Variants in ENAH observed in about 807,000 individuals in gnomAD.
ENAH encodes ENAH actin regulator.
Under a neutral mutation model 78.7 loss-of-function variants are expected in ENAH, and 23 were observed. The observed-to-expected ratio is 0.29, with a 90% confidence interval of 0.21 to 0.41. The LOEUF (loss-of-function observed/expected upper bound fraction) is 0.41, where lower values mean the gene tolerates loss of function less well. Among genes scored for constraint, ENAH ranks in the 10% least tolerant of loss-of-function variants. The probability of loss-of-function intolerance (pLI) is 1.00; values close to 1 mark genes in which losing one functional copy is unlikely to be tolerated. For missense variants in ENAH, 544 were observed against 691.0 expected, an observed-to-expected ratio of 0.79 and a Z score of 2.39; for synonymous variants, 226 against 241.0, an observed-to-expected ratio of 0.94 and a Z score of 0.58.
chr1:225,530,577 T>G lies in ENAH; in HGVS notation c.411A>C (p.Gln137His). Residue 137 changes from glutamine to histidine, a missense_variant, in exon 4 of 14, where the codon CAA becomes CAC. Transcript: ENST00000366843. ...LPAQVQNGPS[Q>H]EELEIQRRQL... ...ACCTTCTTTGAATTTCCAATTCTTCTTGGGATGGGCCATTTTGAACTTGAG... is the reference window on the plus strand; with the variant it reads ...ACCTTCTTTGAATTTCCAATTCTTCGTGGGATGGGCCATTTTGAACTTGAG... 1 of 1,613,494 alleles carries G rather than the reference T, an allele frequency of 6.2e-7. No homozygotes were observed. The highest frequency in any genetic ancestry group is 8.5e-7 in the Non-Finnish European group (1 of 1,179,514).
intron 1 of ENAH, among the ~76,000 whole-genome samples, chr1:225,639,697 C>T (rs1408031072): frequency 7.4e-6 from 1 of 134,522 alleles, no homozygotes; most frequent in Admixed American, 7.6e-5. Flanking sequence ...TGGACTATGG[C>T]GGGATTAAAC....
intron 4 of ENAH, among the ~76,000 whole-genome samples, chr1:225,526,606 G>A (rs1575413281): frequency 6.6e-6 from 1 of 150,878 alleles, no homozygotes; most frequent in South Asian, 2.1e-4. Context: ...CAAAGTGCTG[G>A]GATTATGTAA....
At chr1:225,555,583 A>T (rs1575511992) in intron 2 of ENAH, among the ~76,000 whole-genome samples, 2 of 149,024 alleles carry the variant, frequency 1.3e-5, no homozygotes, top group South Asian at 4.2e-4. Context: ...CTCTGTCTCA[A>T]AAAAAAAAAA....
chr1:225,647,751 T>C (rs1186220741), intron 1 of ENAH, among the ~76,000 whole-genome samples: 2 of 152,190 alleles, frequency 1.3e-5, no homozygotes, highest in Non-Finnish European at 2.9e-5. Context: ...ATGGGGTTGC[T>C]AGTGAACAGA....
chr1:225,586,098 C>A (rs921063210), intron 1 of ENAH, among the ~76,000 whole-genome samples: 1 of 152,052 alleles, frequency 6.6e-6, no homozygotes, highest in East Asian at 1.9e-4. Context: ...CACCCGTAGT[C>A]CCAGCTACTT....
chr1:225,601,438 A>C (rs2096930299), intron 1 of ENAH, among the ~76,000 whole-genome samples: 1 of 151,994 alleles, frequency 6.6e-6, no homozygotes. Flanking sequence ...GAATGGCGTG[A>C]ACCTGGGAGG....
chr1:225,584,767 T>C (rs553910803), intron 1 of ENAH, among the ~76,000 whole-genome samples: 2 of 152,246 alleles, frequency 1.3e-5, no homozygotes, highest in African/African-American at 4.8e-5. Flanking sequence ...TTATATGTCA[T>C]GAAAACAGTA....
At chr1:225,515,046 C>G in intron 6 of ENAH, 146 bp from the exon 7 acceptor site, 4 of 734,406 alleles carry the variant, frequency 5.4e-6, no homozygotes, top group Non-Finnish European at 9.4e-6. Context: ...TTGTAAAAGT[C>G]TAGATCAGTT....
In ENAH at chr1:225,489,407, T is replaced by C. The variant is rs901602634; in HGVS notation, c.*8368A>G. 3 of 152,302 alleles carry C rather than the reference T, an allele frequency of 2.0e-5. No individual in the cohort carries two copies. In the East Asian group the frequency reaches 5.8e-4, roughly 29 times the overall value. 9.4% of individuals were successfully genotyped at this position (152,302 alleles called of 1,614,324 possible). On this transcript the variant is annotated 3_prime_UTR_variant, in exon 14 of 14. Coordinates refer to ENST00000366843, the MANE Select transcript of ENAH (RefSeq NM_018212.6). ...CCACTGGTGCTTTATGCAACACCACTGACCCCAAGATGGTCACTCCATTGA... is the reference window on the plus strand; with the variant it reads ...CCACTGGTGCTTTATGCAACACCACCGACCCCAAGATGGTCACTCCATTGA...
intron 1 of ENAH, among the ~76,000 whole-genome samples, chr1:225,637,417 G>A (rs1558945926): frequency 6.6e-6 from 1 of 152,174 alleles, no homozygotes; most frequent in Non-Finnish European, 1.5e-5. Flanking sequence ...CAGTTAGCCA[G>A]GCTGGTCTAG....
chr1:225,529,039 G>A (rs1434170469), intron 4 of ENAH, among the ~76,000 whole-genome samples: 1 of 152,026 alleles, frequency 6.6e-6, no homozygotes, highest in Non-Finnish European at 1.5e-5. Flanking sequence ...CCTCTTAACT[G>A]GCTTTCTTGT....
At chr1:225,500,726 A>G (rs2096277180) in intron 12 of ENAH, among the ~76,000 whole-genome samples, 1 of 152,208 alleles carries the variant, frequency 6.6e-6, no homozygotes. Context: ...ACAACTGCGT[A>G]CCATGCACTT....
chr1:225,571,218 C>T (rs1204868682), intron 1 of ENAH, among the ~76,000 whole-genome samples: 1 of 150,658 alleles, frequency 6.6e-6, no homozygotes, highest in African/African-American at 2.4e-5. Flanking sequence ...ACTAAAGATA[C>T]AAAAATTAGC....
At chr1:225,620,726 C>T (rs566748729) in intron 1 of ENAH, among the ~76,000 whole-genome samples, 6 of 152,072 alleles carry the variant, frequency 3.9e-5, no homozygotes, top group East Asian at 3.9e-4. Context: ...GAGATAGGGC[C>T]GGGTGCAGTG....
At position 225,497,762 on chromosome 1, in the gene ENAH, T is replaced by C; in HGVS notation, c.*13A>G. ...CTCCAGATTAAAGTCCTATCTCTCCTTAGTCTGTTCCTCTATGCAGTATTT... is the reference window on the plus strand; with the variant it reads ...CTCCAGATTAAAGTCCTATCTCTCCCTAGTCTGTTCCTCTATGCAGTATTT... On this transcript the variant is annotated 3_prime_UTR_variant, in exon 14 of 14. Coordinates refer to ENST00000366843, the MANE Select transcript of ENAH (RefSeq NM_018212.6). 6.2e-7 allele frequency: 1 copy of C among 1,610,772 alleles called. No individual in the cohort carries two copies. The highest frequency in any genetic ancestry group is 8.5e-7 in the Non-Finnish European group (1 of 1,178,120).
rs751180014 is a variant in ENAH at position 225,519,340 on chromosome 1, T to C, written c.660A>G (p.Glu220=). The C allele has an allele frequency of 7.4e-6, 11 of 1,480,190 alleles. No individual in the cohort carries two copies. The highest frequency in any genetic ancestry group is 3.0e-5 in the African/African-American group (2 of 66,916). The allele number at this position is 1,480,190 out of a possible 1,614,324, so 91.7% of individuals were successfully genotyped here. Residue 220 remains glutamate (E), a synonymous_variant, in exon 5 of 14, where the codon GAA becomes GAG. Coordinates refer to ENST00000366843, the MANE Select transcript of ENAH (RefSeq NM_018212.6). ...LERQERLERQ[E]RLDRERQERQ... is the part of the protein sequence containing the mutation. ...TTTCTTGCCTCTCCCGATCCAGGCG[T>C]TCCTGCCGCTCCAGGCGTTCCTGCC...
intron 1 of ENAH, among the ~76,000 whole-genome samples, chr1:225,625,312 A>C (rs1411267414): frequency 6.6e-6 from 1 of 152,218 alleles, no homozygotes; most frequent in East Asian, 1.9e-4. Flanking sequence ...AATATTTAGC[A>C]GACAAAAATA....
rs1049833052 is a variant in ENAH, at chr1:225,519,392, C to T, written c.608G>A (p.Arg203His). The change falls in exon 5 of 14, where the codon CGC becomes CAC. Residue 203 changes from arginine (R) to histidine (H), a missense_variant. By Grantham distance (29) the Arg-to-His change is conservative (BLOSUM62 0). This residue lies in a region of ENAH where 366 missense variants were observed against 396.1 expected (regional missense o/e 0.92). Coordinates refer to ENST00000366843, the MANE Select transcript of ENAH (RefSeq NM_018212.6). ...RERQERERQE[R>H]LERQERLERQ... Reference sequence around the variant, plus strand: ...CTCCAGGCGTTCCTGCCGCTCCAGGCGTTCCTGCCGTTCCCGTTCTTGTCT... The same window carrying T: ...CTCCAGGCGTTCCTGCCGCTCCAGGTGTTCCTGCCGTTCCCGTTCTTGTCT... The T allele has an allele frequency of 5.0e-6, 8 of 1,604,846 alleles. No homozygotes were observed. Among genetic ancestry groups the T allele is most frequent in the South Asian group, 1.1e-5 (1 of 90,730 alleles).
chr1:225,510,955 G>A (rs1172264467), intron 10 of ENAH, among the ~76,000 whole-genome samples: 1 of 151,998 alleles, frequency 6.6e-6, no homozygotes, highest in Non-Finnish European at 1.5e-5. Context: ...CAGGAGGTGG[G>A]GGTTGCGGTG....
Sources: gnomAD v4.1 joint callset for allele counts (sites outside exome capture counted in the v4.1 genomes callset) on GRCh38, gnomAD v4.1.1 for gene constraint, gnomAD v4.1.1 regional missense constraint, MANE v1.5 for transcripts, NCBI Gene and HGNC (gene_info 2026-07-23, HGNC 2026-07-21) for gene names.